IQUB: variants seen among roughly 807,000 people sequenced by gnomAD.
IQUB encodes IQ motif and ubiquitin-like domain-containing protein.
In IQUB, 86 loss-of-function variants were observed where a neutral mutation model predicts 86.4. That is an observed-to-expected ratio of 1.00 (90% confidence interval 0.84 to 1.19). The LOEUF is 1.19. IQUB is among the 50% of genes most tolerant of loss of function. The pLI is 0.00. For synonymous variants in IQUB, 289 were observed against 304.5 expected, an observed-to-expected ratio of 0.95 and a Z score of 0.53; for missense variants, 946 against 916.9, an observed-to-expected ratio of 1.03 and a Z score of -0.41.
intron 1 of IQUB, among the ~76,000 whole-genome samples, chr7:123,525,029 G>C (rs921792728): frequency 2.8e-3 from 432 of 152,242 alleles, no homozygotes; most frequent in Middle Eastern, 6.8e-3. Context: ...ATTGAACCAG[G>C]CTTGTATCCC....
chr7:123,521,065 T>C (rs1215026975), intron 1 of IQUB, among the ~76,000 whole-genome samples: 1 of 152,084 alleles, frequency 6.6e-6, no homozygotes, highest in Admixed American at 6.6e-5. Context: ...GGGTTAGCAG[T>C]TTGAAGTTCT....
At chr7:123,464,744 A>T in intron 10 of IQUB, 89 bp downstream of exon 10, 1 of 748,910 alleles carries the variant, frequency 1.3e-6, no homozygotes, top group Non-Finnish European at 2.1e-6. Context: ...TCCCAAGTAA[A>T]GTGTTAAAGC....
intron 7 of IQUB, among the ~76,000 whole-genome samples, chr7:123,481,866 C>A (rs1022082925): frequency 4.0e-5 from 6 of 151,600 alleles, no homozygotes; most frequent in African/African-American, 1.5e-4. Context: ...ATGAGAAAAG[C>A]AAAACAAAGC....
rs377255315 is a variant in IQUB, at chr7:123,469,358, G to A, written c.1437C>T (p.Thr479=). The A allele has an allele frequency of 4.4e-6, 7 of 1,594,458 alleles. No homozygotes were observed. Among genetic ancestry groups the A allele is most frequent in the Middle Eastern group, 1.7e-4 (1 of 6,004 alleles). The change falls in exon 9 of 13, where the codon ACC becomes ACT. Residue 479 remains threonine (T), a synonymous_variant. Coordinates refer to ENST00000324698, the MANE Select transcript of IQUB (RefSeq NM_178827.5). ...DKCSAPKIWR[T]PNGKTIEMDT... is the part of the protein sequence containing the mutation. Reference sequence around the variant, plus strand: ...CCATCTCAATTGTTTTGCCATTAGGGGTTCTCCATATTTTTGGAGCTGAAC... The same window carrying A: ...CCATCTCAATTGTTTTGCCATTAGGAGTTCTCCATATTTTTGGAGCTGAAC...
intron 10 of IQUB, 48 bp downstream of exon 10, chr7:123,464,785 C>G (rs1298264113): frequency 7.7e-7 from 1 of 1,291,346 alleles, no homozygotes; most frequent in Non-Finnish European, 1.1e-6. Flanking sequence ...TTTACTATAC[C>G]ACATCTTAGG....
At position 123,527,899 on chromosome 7, in the gene IQUB, C is replaced by T. The variant is rs1009412675; in HGVS notation, c.-5+6593G>A. On this transcript the variant is annotated intron_variant, in intron 1 of 12. Coordinates refer to ENST00000324698, the MANE Select transcript of IQUB (RefSeq NM_178827.5). ...CTAAGCAAGCCTGAGCAATGGCGGG[C>T]GCCCCTCCCCCAGCCTCGCTGCCGC... Among the ~76,000 whole-genome samples the T allele has an allele frequency of 2.2e-3, 329 of 152,282 alleles. 1 individual carries two copies. The highest frequency in any genetic ancestry group is 7.0e-3 in the African/African-American group (292 of 41,578).
chr7:123,532,916 G>T (rs1797608282), intron 1 of IQUB: 1 of 152,340 alleles, frequency 6.6e-6, no homozygotes, highest in Non-Finnish European at 1.5e-5. Flanking sequence ...CCAGTGACCG[G>T]CTGCGGCTGG....
At chr7:123,461,318 C>A (rs1793969311) in intron 11 of IQUB, 39 bp downstream of exon 11, 2 of 1,558,914 alleles carry the variant, frequency 1.3e-6, no homozygotes, top group South Asian at 1.2e-5. Flanking sequence ...GCCTCCTTGA[C>A]AAGCTTCAGC....
chr7:123,507,433 T>C (rs1796230277), intron 3 of IQUB, among the ~76,000 whole-genome samples: 1 of 152,230 alleles, frequency 6.6e-6, no homozygotes, highest in South Asian at 2.1e-4. Flanking sequence ...AAATGCATTT[T>C]TGACATATGA....
At chr7:123,509,855 TA>T in intron 3 of IQUB, 45 bp downstream of exon 3, 1 of 1,513,056 alleles carries the variant, frequency 6.6e-7, no homozygotes, top group Non-Finnish European at 9.0e-7. Flanking sequence ...GTTTACATGT[TA>T]AAACTAGAAA....
chr7:123,481,884 T>C (rs1038750260), intron 7 of IQUB, among the ~76,000 whole-genome samples: 1 of 151,806 alleles, frequency 6.6e-6, no homozygotes, highest in Non-Finnish European at 1.5e-5. Context: ...AGCGTAACAG[T>C]TATGTTTAAA....
chr7:123,477,640 C>T (rs1433537045), intron 8 of IQUB, among the ~76,000 whole-genome samples: 2 of 152,150 alleles, frequency 1.3e-5, no homozygotes, highest in Non-Finnish European at 2.9e-5. Flanking sequence ...AAACTACCAT[C>T]AGTGTGAACA....
intron 1 of IQUB, chr7:123,532,923 C>T (rs1264753624): frequency 6.6e-6 from 1 of 152,348 alleles, no homozygotes; most frequent in Non-Finnish European, 1.5e-5. Context: ...CCGGCTGCGG[C>T]TGGGGGCGGA....
chr7:123,501,293 A>G (rs1421503156), intron 6 of IQUB: 3 of 152,404 alleles, frequency 2.0e-5, no homozygotes, highest in African/African-American at 7.2e-5. Flanking sequence ...GATTCTGATG[A>G]CATCATAGAG....
intron 11 of IQUB, 118 bp downstream of exon 11, chr7:123,461,239 G>T: frequency 1.9e-6 from 2 of 1,039,412 alleles, no homozygotes; most frequent in Non-Finnish European, 2.8e-6. Context: ...AGAGCTTACA[G>T]TCTAGTGGAA....
At chr7:123,521,932 T>C (rs982171721) in intron 1 of IQUB, among the ~76,000 whole-genome samples, 3 of 152,050 alleles carry the variant, frequency 2.0e-5, no homozygotes, top group African/African-American at 7.2e-5. Flanking sequence ...GATTCTCAGC[T>C]TTGGTTTCCT....
intron 3 of IQUB, among the ~76,000 whole-genome samples, chr7:123,508,229 G>A (rs923782287): frequency 2.0e-5 from 3 of 152,190 alleles, no homozygotes; most frequent in African/African-American, 7.2e-5. Context: ...CTAAAAGCTG[G>A]AAGGGCAAGG....
At chr7:123,476,631 A>G (rs969580360) in intron 8 of IQUB, among the ~76,000 whole-genome samples, 8 of 151,844 alleles carry the variant, frequency 5.3e-5, no homozygotes, top group Non-Finnish European at 1.2e-4. Flanking sequence ...GCAGCAGCTC[A>G]ATTTGGAAAC....
Position 123,452,667 on chromosome 7 carries a change from C to A in IQUB, c.*76G>T. ...CAATAAACAGATTAAATTCCATTTC[C>A]ATACTCTGTGACCTCTGTATTACCC... On this transcript the variant is annotated 3_prime_UTR_variant, in exon 13 of 13. Transcript: ENST00000324698. The A allele has an allele frequency of 1.1e-6, 1 of 903,126 alleles. No individual in the cohort carries two copies. Among genetic ancestry groups the A allele is most frequent in the South Asian group, 2.9e-5 (1 of 34,604 alleles). The allele number at this position is 903,126 out of a possible 1,614,324, so 55.9% of individuals were successfully genotyped here. A position where few individuals can be genotyped will look rare whatever the true frequency, so the allele number is the denominator to read the frequency against.
Sources: allele counts gnomAD v4.1 joint callset (sites outside exome capture counted in the v4.1 genomes callset), GRCh38; gene constraint gnomAD v4.1.1; transcripts MANE v1.5; gene names NCBI Gene and HGNC (gene_info 2026-07-23, HGNC 2026-07-21).